TENM2: variants seen among roughly 807,000 people sequenced by gnomAD.
The protein encoded by TENM2 is teneurin-2.
Under a neutral mutation model 245.2 loss-of-function variants are expected in TENM2, and 52 were observed. That is an observed-to-expected ratio of 0.21 (90% CI 0.17 to 0.27). The LOEUF (loss-of-function observed/expected upper bound fraction) is 0.27, where lower values mean the gene tolerates loss of function less well. TENM2 is among the 10% of genes least tolerant of loss of function. TENM2 has a pLI of 1.00. For synonymous variants in TENM2, 1,363 were observed against 1,438.9 expected, an observed-to-expected ratio of 0.95 and a Z score of 1.19; for missense variants, 3,046 against 3,666.8, an observed-to-expected ratio of 0.83 and a Z score of 4.37.
chr5:167,364,490 AC>A (rs1248887462), intron 1 of TENM2, among the ~76,000 whole-genome samples: 32 of 152,168 alleles, frequency 2.1e-4, no homozygotes, highest in African/African-American at 7.2e-4. Context: ...TGACTATCAT[AC>A]CAATTAAAAG....
intron 3 of TENM2, among the ~76,000 whole-genome samples, chr5:167,907,623 T>C (rs999025464): frequency 5.4e-5 from 8 of 147,054 alleles, no homozygotes; most frequent in African/African-American, 9.9e-5. Context: ...TAAGAATTTA[T>C]GGCTGGGTGT....
chr5:167,656,687 G>A (rs1350299604), intron 2 of TENM2, among the ~76,000 whole-genome samples: 4 of 151,916 alleles, frequency 2.6e-5, no homozygotes, highest in Non-Finnish European at 4.4e-5. Context: ...AAAACAAGTT[G>A]TGTGAAGGAA....
At chr5:167,180,195 C>T in the TENM2 span, among the ~76,000 whole-genome samples, 5 of 149,416 alleles carry the variant, frequency 3.3e-5, no homozygotes, top group African/African-American at 7.6e-5. Context: ...CCACAACGTC[C>T]GCCTCCCGGA....
intron 2 of TENM2, among the ~76,000 whole-genome samples, chr5:167,687,173 G>A (rs1007188715): frequency 5.9e-4 from 89 of 152,062 alleles, no homozygotes; most frequent in African/African-American, 2.1e-3. Flanking sequence ...TGTACTATAG[G>A]GCACCAAGAA....
At chr5:167,587,792 C>G (rs1189312961) in intron 2 of TENM2, among the ~76,000 whole-genome samples, 1 of 152,126 alleles carries the variant, frequency 6.6e-6, no homozygotes, top group Non-Finnish European at 1.5e-5. Flanking sequence ...TATGTCAAAA[C>G]AAATTAGTTT....
chr5:167,367,793 C>T (rs1760150317), intron 1 of TENM2, among the ~76,000 whole-genome samples: 3 of 152,006 alleles, frequency 2.0e-5, no homozygotes, highest in Admixed American at 2.0e-4. Flanking sequence ...TTTGATTTGT[C>T]AAACAGAAAT....
At chr5:168,050,876 A>G (rs1232817830) in intron 6 of TENM2, among the ~76,000 whole-genome samples, 2 of 152,172 alleles carry the variant, frequency 1.3e-5, no homozygotes, top group African/African-American at 2.4e-5. Context: ...AAACCTTAAC[A>G]TGAATTGTTG....
chr5:167,318,230 C>A (rs1756488207), intron 1 of TENM2, among the ~76,000 whole-genome samples: 1 of 152,112 alleles, frequency 6.6e-6, no homozygotes, highest in African/African-American at 2.4e-5. Context: ...GTTGCAGTGA[C>A]AATCGTGTTG....
Position 168,208,803 on chromosome 5 carries a change from T to G in TENM2, c.3825-2931T>G, listed in dbSNP as rs926921397. Among the ~76,000 whole-genome samples, 8 of 152,306 alleles carry G rather than the reference T, an allele frequency of 5.3e-5. No homozygotes were observed. In the East Asian group the frequency reaches 1.5e-3, roughly 29 times the overall value. ...TATGAAGCCTAAGACTAATACAATT[T>G]CAGAGGCTCTATCTAAGAAGAAAAA... On this transcript the variant is annotated intron_variant, in intron 19 of 28. Coordinates refer to ENST00000518659, the Ensembl canonical transcript of TENM2.
the TENM2 span, among the ~76,000 whole-genome samples, chr5:166,990,754 T>C: frequency 3.3e-5 from 5 of 152,326 alleles, no homozygotes; most frequent in East Asian, 3.9e-4. Flanking sequence ...CAAAAATTTT[T>C]TACTTTTCTG....
intron 2 of TENM2, among the ~76,000 whole-genome samples, chr5:167,574,246 C>A (rs1419314318): frequency 2.0e-5 from 3 of 152,214 alleles, no homozygotes; most frequent in Non-Finnish European, 4.4e-5. Flanking sequence ...TGAATGATTT[C>A]TCCTCCGTTT....
intron 13 of TENM2, chr5:168,187,861 G>A (rs1183900238): frequency 1.3e-5 from 2 of 152,156 alleles, no homozygotes; most frequent in African/African-American, 4.8e-5. Context: ...ATCCGATTCA[G>A]CCAGCATATC....
intron 3 of TENM2, among the ~76,000 whole-genome samples, chr5:167,920,799 A>G (rs1015022662): frequency 1.3e-5 from 2 of 152,222 alleles, no homozygotes; most frequent in East Asian, 1.9e-4. Flanking sequence ...CAGCATCCAC[A>G]GTGACTAAGC....
At chr5:168,263,257 T>G, downstream of TENM2, 1 of 159,212 alleles carries the variant, frequency 6.3e-6, no homozygotes, top group Non-Finnish European at 1.4e-5. Context: ...CATATCCAAT[T>G]ACCTCACTCA....
chr5:167,857,291 A>G (rs1435839186), intron 2 of TENM2, among the ~76,000 whole-genome samples: 2 of 152,208 alleles, frequency 1.3e-5, no homozygotes, highest in African/African-American at 4.8e-5. Flanking sequence ...CAGCTTATAA[A>G]TGTCCATTCT....
intron 2 of TENM2, among the ~76,000 whole-genome samples, chr5:167,491,459 T>C (rs1470684854): frequency 1.3e-5 from 2 of 152,128 alleles, no homozygotes; most frequent in African/African-American, 4.8e-5. Flanking sequence ...ACACTCAACA[T>C]CAGTTTTTAT....
At chr5:167,419,326 G>A (rs1763352829) in intron 2 of TENM2, among the ~76,000 whole-genome samples, 1 of 152,146 alleles carries the variant, frequency 6.6e-6, no homozygotes. Flanking sequence ...GATGGGCATG[G>A]TGGCTCATGC....
intron 2 of TENM2, among the ~76,000 whole-genome samples, chr5:167,746,698 A>AGAGAGT (rs1554109861): frequency 1.4e-5 from 2 of 146,550 alleles, no homozygotes; most frequent in African/African-American, 5.2e-5. Context: ...AGAGAGAGAG[A>AGAGAGT]GAGAGAGAGA....
chr5:167,070,549 C>T, the TENM2 span, among the ~76,000 whole-genome samples: 1 of 152,016 alleles, frequency 6.6e-6, no homozygotes, highest in Middle Eastern at 3.4e-3. Context: ...ATAATAGCTA[C>T]TTTTTATTAT....
Sources: gnomAD v4.1 joint callset for allele counts (sites outside exome capture counted in the v4.1 genomes callset) on GRCh38, gnomAD v4.1.1 for gene constraint, MANE v1.5 for transcripts, NCBI Gene and HGNC (gene_info 2026-07-23, HGNC 2026-07-21) for gene names.